EPHA5: variants seen among roughly 807,000 people sequenced by gnomAD.
The protein encoded by EPHA5 is ephrin type-A receptor 5.
A neutral mutation model predicts 105.0 loss-of-function variants in EPHA5; 60 were observed. The ratio of observed to expected loss-of-function variants is 0.57; its 90% CI spans 0.46 to 0.71. The LOEUF (loss-of-function observed/expected upper bound fraction) is 0.71, where lower values mean the gene tolerates loss of function less well. Among genes scored for constraint, EPHA5 ranks in the 30% least tolerant of loss-of-function variants. EPHA5 has a pLI of 0.00. For synonymous variants in EPHA5, 513 were observed against 449.1 expected (o/e 1.14, Z -1.80); for missense variants, 1,218 against 1,274.7 (o/e 0.96, Z 0.68).
At chr4:65,331,863 G>A in intron 16 of EPHA5, 110 bp downstream of exon 16, 1 of 1,450,814 alleles carries the variant, frequency 6.9e-7, no homozygotes, top group Non-Finnish European at 9.0e-7. Context: ...TTTGAGAGCT[G>A]CCACACATCC....
At chr4:65,550,725 A>G (rs1001805001) in intron 3 of EPHA5, among the ~76,000 whole-genome samples, 4 of 152,108 alleles carry the variant, frequency 2.6e-5, no homozygotes, top group African/African-American at 9.7e-5. Flanking sequence ...AGTCCCAGCT[A>G]ATCGAGGGGC....
At chr4:65,635,091 C>T (rs1417210969) in intron 2 of EPHA5, among the ~76,000 whole-genome samples, 1 of 152,086 alleles carries the variant, frequency 6.6e-6, no homozygotes, top group Admixed American at 6.6e-5. Flanking sequence ...AATGTATTCA[C>T]AGTCCATTTT....
chr4:65,425,164 T>C (rs1261374011), intron 5 of EPHA5, among the ~76,000 whole-genome samples: 2 of 152,164 alleles, frequency 1.3e-5, no homozygotes, highest in African/African-American at 4.8e-5. Flanking sequence ...AGTCCATGAA[T>C]GTGTTAAAAA....
intron 5 of EPHA5, among the ~76,000 whole-genome samples, chr4:65,475,467 G>C (rs1214871648): frequency 6.6e-6 from 1 of 151,792 alleles, no homozygotes; most frequent in African/African-American, 2.4e-5. Context: ...GCCTCTCTGG[G>C]TTCAGTGTTA....
intron 5 of EPHA5, among the ~76,000 whole-genome samples, chr4:65,445,882 G>C (rs1234838058): frequency 6.6e-6 from 1 of 152,056 alleles, no homozygotes; most frequent in Non-Finnish European, 1.5e-5. Context: ...TTACCAATTA[G>C]GGATGGCGTG....
chr4:65,599,502 G>A (rs4419521), intron 3 of EPHA5, among the ~76,000 whole-genome samples: 132,015 of 151,982 alleles, frequency 0.87, 57,690 homozygotes, highest in Non-Finnish European at 0.91. Context: ...TACATAAGTT[G>A]TGTGTAGAAT....
chr4:65,421,006 C>A (rs1387430945), intron 5 of EPHA5, among the ~76,000 whole-genome samples: 1 of 151,832 alleles, frequency 6.6e-6, no homozygotes, highest in African/African-American at 2.4e-5. Context: ...TTACATGGAT[C>A]CTAAAATCAT....
chr4:65,666,357 G>A (rs979490340), intron 1 of EPHA5, among the ~76,000 whole-genome samples: 5 of 152,168 alleles, frequency 3.3e-5, no homozygotes, highest in African/African-American at 1.2e-4. Flanking sequence ...TCAATGCAGG[G>A]CTGTTCAGCA....
intron 3 of EPHA5, among the ~76,000 whole-genome samples, chr4:65,533,801 G>A (rs1279048084): frequency 6.6e-6 from 1 of 152,094 alleles, no homozygotes; most frequent in Non-Finnish European, 1.5e-5. Context: ...GGGTGTGGTA[G>A]TGAGCACCTG....
At chr4:65,423,921 A>G (rs1212784574) in intron 5 of EPHA5, among the ~76,000 whole-genome samples, 1 of 152,022 alleles carries the variant, frequency 6.6e-6, no homozygotes, top group Non-Finnish European at 1.5e-5. Context: ...TAACTTGTGT[A>G]TATCTATACA....
rs369621416 is a variant in EPHA5, at chr4:65,636,802, G to A, written c.246+6561C>T. ...AATACAAGAAAATGTATTATCTACC[G>A]CCTTTTTCTCCTTGATTCTTCATTC... On this transcript the variant is annotated intron_variant, in intron 2 of 16. Coordinates refer to ENST00000613740, the MANE Select transcript of EPHA5 (RefSeq NM_001281766.3). 1.5e-4 allele frequency among the ~76,000 whole-genome samples: 23 copies of A among 152,002 alleles called. 1 individual carries two copies. Among genetic ancestry groups the A allele is most frequent in the African/African-American group, 4.6e-4 (19 of 41,480 alleles).
intron 5 of EPHA5, 75 bp downstream of exon 5, chr4:65,490,302 A>G: frequency 1.4e-6 from 2 of 1,405,680 alleles, no homozygotes; most frequent in Non-Finnish European, 2.0e-6. Context: ...ATTTCAGTCA[A>G]CTTGGCCGTC....
At chr4:65,612,553 T>C in intron 2 of EPHA5, among the ~76,000 whole-genome samples, 1 of 152,220 alleles carries the variant, frequency 6.6e-6, no homozygotes, top group East Asian at 1.9e-4. Context: ...ATGCCACATT[T>C]TCTTTATCCA....
chr4:65,470,334 G>A (rs569812078), intron 5 of EPHA5, among the ~76,000 whole-genome samples: 1 of 152,008 alleles, frequency 6.6e-6, no homozygotes, highest in Non-Finnish European at 1.5e-5. Flanking sequence ...TGGGATTACA[G>A]GTGTGTGCCA....
chr4:65,418,736 C>T (rs1193564008), intron 6 of EPHA5, among the ~76,000 whole-genome samples: 2 of 151,902 alleles, frequency 1.3e-5, no homozygotes, highest in Non-Finnish European at 1.5e-5. Flanking sequence ...TCCATCCCTC[C>T]CCATTGTTTT....
chr4:65,497,228 C>CT (rs1732034835), intron 3 of EPHA5, among the ~76,000 whole-genome samples: 1 of 152,104 alleles, frequency 6.6e-6, no homozygotes, highest in East Asian at 1.9e-4. Context: ...TTCTGATAGA[C>CT]TAAATGAACT....
chr4:65,450,182 G>C (rs1017742459), intron 5 of EPHA5, among the ~76,000 whole-genome samples: 8 of 152,232 alleles, frequency 5.3e-5, no homozygotes, highest in African/African-American at 1.9e-4. Flanking sequence ...CCCACTTAAG[G>C]ATGATAGTAT....
intron 3 of EPHA5, among the ~76,000 whole-genome samples, chr4:65,561,242 A>G (rs998138982): frequency 6.6e-6 from 1 of 152,184 alleles, no homozygotes; most frequent in East Asian, 1.9e-4. Context: ...GCTTTGTAAG[A>G]TATTATTTAT....
intron 14 of EPHA5, among the ~76,000 whole-genome samples, chr4:65,338,547 T>C (rs1721402616): frequency 6.6e-6 from 1 of 152,142 alleles, no homozygotes; most frequent in African/African-American, 2.4e-5. Flanking sequence ...AGAAGTTATT[T>C]GACCTGTGAA....
Sources: gnomAD v4.1 joint callset for allele counts (sites outside exome capture counted in the v4.1 genomes callset) on GRCh38, gnomAD v4.1.1 for gene constraint, MANE v1.5 for transcripts, NCBI Gene and HGNC (gene_info 2026-07-23, HGNC 2026-07-21) for gene names.